Variants in BRD10 observed in about 807,000 individuals in gnomAD.
BRD10 encodes the protein bromodomain containing 10.
At chr9:5,988,466 T>A in the BRD10 span, 1 of 1,613,928 alleles carries the variant, frequency 6.2e-7, no homozygotes, top group Admixed American at 1.7e-5. Context: ...CTTGTTGAGG[T>A]ACATGCAGTT....
At chr9:5,969,360 C>G in the BRD10 span, 2 of 1,610,910 alleles carry the variant, frequency 1.2e-6, no homozygotes, top group Non-Finnish European at 1.7e-6. Context: ...GCTGCTTGAG[C>G]TAGAAGTTTT....
chr9:5,951,111 T>C, the BRD10 span, among the ~76,000 whole-genome samples: 1 of 148,352 alleles, frequency 6.7e-6, no homozygotes, highest in Non-Finnish European at 1.5e-5. Flanking sequence ...ACAAATCCAA[T>C]CCACCATTTG....
At chr9:5,950,079 CG>C in the BRD10 span, among the ~76,000 whole-genome samples, 5 of 152,194 alleles carry the variant, frequency 3.3e-5, no homozygotes, top group East Asian at 1.9e-4. Context: ...CAGGGATAAA[CG>C]TAAGTTTTCA....
At chr9:5,884,623 A>G in the BRD10 span, among the ~76,000 whole-genome samples, 23 of 152,068 alleles carry the variant, frequency 1.5e-4, no homozygotes, top group African/African-American at 5.6e-4. Context: ...AACACAGCCC[A>G]TCTTCCTCTC....
the BRD10 span, among the ~76,000 whole-genome samples, chr9:5,892,852 G>C: frequency 6.6e-6 from 1 of 152,138 alleles, no homozygotes. Context: ...ATCTGTTCAG[G>C]ATCACAATGC....
At chr9:5,915,639 A>T in the BRD10 span, among the ~76,000 whole-genome samples, 3 of 152,266 alleles carry the variant, frequency 2.0e-5, no homozygotes, top group African/African-American at 7.2e-5. Flanking sequence ...CCAGTTATAA[A>T]CGTACTTGCA....
the BRD10 span, among the ~76,000 whole-genome samples, chr9:5,956,380 T>G: frequency 6.6e-6 from 1 of 152,154 alleles, no homozygotes; most frequent in African/African-American, 2.4e-5. Flanking sequence ...GGTTATAAGC[T>G]TGAGTTTTAG....
chr9:5,899,698 T>G, the BRD10 span, among the ~76,000 whole-genome samples: 7 of 152,232 alleles, frequency 4.6e-5, no homozygotes, highest in Non-Finnish European at 8.8e-5. Flanking sequence ...TGACATTGCC[T>G]TGTAATTGGC....
chr9:5,986,662 T>C, the BRD10 span, among the ~76,000 whole-genome samples: 1 of 152,212 alleles, frequency 6.6e-6, no homozygotes, highest in African/African-American at 2.4e-5. Context: ...AAATATTTTA[T>C]AATTTAAAAC....
chr9:5,934,834 C>T, the BRD10 span, among the ~76,000 whole-genome samples: 2 of 152,166 alleles, frequency 1.3e-5, no homozygotes, highest in South Asian at 4.1e-4. Flanking sequence ...AATCTAAACT[C>T]ACATGTATAA....
the BRD10 span, among the ~76,000 whole-genome samples, chr9:5,917,380 A>C: frequency 6.6e-6 from 1 of 152,242 alleles, no homozygotes; most frequent in Non-Finnish European, 1.5e-5. Flanking sequence ...AAATTAGAGT[A>C]CAGTGAACAA....
chr9:5,983,863 G>A, the BRD10 span, among the ~76,000 whole-genome samples: 1 of 151,820 alleles, frequency 6.6e-6, no homozygotes, highest in African/African-American at 2.4e-5. Context: ...AAGGAAGTCA[G>A]CAGGCTTCTT....
At chr9:5,929,531 TC>T in the BRD10 span, among the ~76,000 whole-genome samples, 1 of 152,196 alleles carries the variant, frequency 6.6e-6, no homozygotes, top group African/African-American at 2.4e-5. Flanking sequence ...ACTGTAACTT[TC>T]CCAAAGACTG....
At chr9:5,892,961 C>T in the BRD10 span, among the ~76,000 whole-genome samples, 3 of 152,132 alleles carry the variant, frequency 2.0e-5, no homozygotes, top group Non-Finnish European at 4.4e-5. Context: ...GTAAGGATGA[C>T]GGGCAGGTGT....
At chr9:5,900,039 A>C in the BRD10 span, among the ~76,000 whole-genome samples, 2 of 152,228 alleles carry the variant, frequency 1.3e-5, no homozygotes, top group Non-Finnish European at 2.9e-5. Context: ...CAAAAACAAA[A>C]TGTTTAGTCT....
chr9:5,983,144 A>C, the BRD10 span, among the ~76,000 whole-genome samples: 1 of 152,154 alleles, frequency 6.6e-6, no homozygotes, highest in Non-Finnish European at 1.5e-5. Flanking sequence ...GGACAGCCAC[A>C]CAAACTGGGG....
the BRD10 span, among the ~76,000 whole-genome samples, chr9:5,953,227 ACAC>A: frequency 6.6e-6 from 1 of 152,262 alleles, no homozygotes; most frequent in South Asian, 2.1e-4. Flanking sequence ...ATTCATCTGA[ACAC>A]CACTTTTATC....
At chr9:5,994,650 C>T in the BRD10 span, among the ~76,000 whole-genome samples, 1 of 152,160 alleles carries the variant, frequency 6.6e-6, no homozygotes, top group Non-Finnish European at 1.5e-5. Flanking sequence ...ACATGACTAA[C>T]CTCTTCTCTT....
chr9:5,881,319 C>T, the BRD10 span, among the ~76,000 whole-genome samples: 5 of 152,304 alleles, frequency 3.3e-5, no homozygotes, highest in Middle Eastern at 3.4e-3. Context: ...GAATCTCAAA[C>T]GGTCAGCCCT....
Sources: gnomAD v4.1 joint callset for allele counts (sites outside exome capture counted in the v4.1 genomes callset) on GRCh38, gnomAD v4.1.1 for gene constraint, MANE v1.5 for transcripts, NCBI Gene and HGNC (gene_info 2026-07-23, HGNC 2026-07-21) for gene names.